IL17RA: variants seen among roughly 807,000 people sequenced by gnomAD.
IL17RA encodes the protein interleukin 17 receptor A.
IL17RA carries 34 observed loss-of-function variants against 50.4 expected under a neutral mutation model. The observed-to-expected ratio is 0.67, with a 90% CI of 0.51 to 0.90. The LOEUF is 0.90. Ranked by LOEUF, IL17RA falls within the 40% of genes least tolerant of loss-of-function variation. The pLI is 0.00. For missense variants in IL17RA, 1,276 were observed against 1,169.8 expected, an observed-to-expected ratio of 1.09 and a Z score of -1.32; for synonymous variants, 585 against 510.4, an observed-to-expected ratio of 1.15 and a Z score of -1.97.
intron 1 of IL17RA, among the ~76,000 whole-genome samples, chr22:17,090,091 C>G (rs2061342897): frequency 6.6e-6 from 1 of 152,098 alleles, no homozygotes; most frequent in Admixed American, 6.5e-5. Context: ...GGCGCAATCT[C>G]TGCTCACTGC....
At chr22:17,105,647 C>T (rs376227410) in intron 10 of IL17RA, 45 bp downstream of exon 10, 61 of 1,607,842 alleles carry the variant, frequency 3.8e-5, no homozygotes, top group Admixed American at 1.5e-4. Flanking sequence ...CCTCAGGGGA[C>T]ATTCCCCAGT....
At chr22:17,089,533 G>A (rs1362500550) in intron 1 of IL17RA, among the ~76,000 whole-genome samples, 4 of 152,128 alleles carry the variant, frequency 2.6e-5, no homozygotes, top group South Asian at 2.1e-4. Flanking sequence ...GATGCCTCAC[G>A]TAATGCCATT....
At position 17,108,763 on chromosome 22, in the gene IL17RA, A is replaced by G; in HGVS notation, c.1544A>G (p.Asp515Gly). The G allele has an allele frequency of 6.2e-7, 1 of 1,610,468 alleles. No individual in the cohort carries two copies. The highest frequency in any genetic ancestry group is 8.5e-7 in the Non-Finnish European group (1 of 1,178,744). The change falls in exon 13 of 13, where the codon GAC (aspartate) becomes GGC (glycine). Residue 515 changes from aspartate (D) to glycine (G), a missense_variant. By Grantham distance (94) the Asp-to-Gly change is moderately conservative. Transcript: ENST00000319363. ...SEVSCDGDVP[D>G]LFGAAPRYPL... Reference sequence around the variant, plus strand: ...GTCAGCTGTGACGGCGACGTCCCCGACCTGTTCGGCGCGGCGCCGCGGTAC... The same window carrying G: ...GTCAGCTGTGACGGCGACGTCCCCGGCCTGTTCGGCGCGGCGCCGCGGTAC...
chr22:17,086,374 A>G (rs2061328175), intron 1 of IL17RA, among the ~76,000 whole-genome samples: 1 of 5,956 alleles, frequency 1.7e-4, no homozygotes, highest in African/African-American at 5.3e-3. Flanking sequence ...ATGTCGCAGA[A>G]AAAAAAAAAA....
rs1220118281 is a variant in IL17RA at position 17,109,202 on chromosome 22, G to A, written c.1983G>A (p.Ala661=). The part of the protein sequence containing the change: ...EPHLQPRGQP[A]PQPLHTLVLA... The stretch of plus-strand genomic sequence containing the variant: ...ACCTGCAGCCCCGGGGTCAGCCAGC[G>A]CCGCAGCCCCTCCACACCCTGGTGC... Residue 661 remains alanine, a synonymous_variant, in exon 13 of 13, where the codon GCG becomes GCA. Coordinates refer to ENST00000319363, the MANE Select transcript of IL17RA (RefSeq NM_014339.7). 8.6e-6 allele frequency: 13 copies of A among 1,508,546 alleles called. No individual in the cohort carries two copies. The African/African-American group carries it at 9.7e-5, about 11-fold the overall frequency. The allele number at this position is 1,508,546 out of a possible 1,614,324, so 93.4% of individuals were successfully genotyped here.
intron 1 of IL17RA, among the ~76,000 whole-genome samples, chr22:17,095,221 G>T (rs2061364574): frequency 6.6e-6 from 1 of 152,176 alleles, no homozygotes. Flanking sequence ...ATCAGTGCTG[G>T]AGAGGTATAT....
intron 8 of IL17RA, 147 bp from the exon 9 acceptor site, chr22:17,104,579 A>G: frequency 1.3e-6 from 1 of 750,658 alleles, no homozygotes; most frequent in South Asian, 1.5e-5. Flanking sequence ...GGGTTCGCTG[A>G]CCCGCCCTTG....
chr22:17,092,991 CT>C (rs1325837343), intron 1 of IL17RA, among the ~76,000 whole-genome samples: 2 of 152,080 alleles, frequency 1.3e-5, no homozygotes, highest in Non-Finnish European at 2.9e-5. Context: ...TGTCCTGCCC[CT>C]GTCTTACAGA....
At chr22:17,108,234 T>G in intron 12 of IL17RA, 73 bp from the exon 13 acceptor site, 1 of 1,503,852 alleles carries the variant, frequency 6.6e-7, no homozygotes, top group South Asian at 1.1e-5. Flanking sequence ...TCCAGGCCCC[T>G]CCTGGGCTGG....
chr22:17,106,829 G>A (rs1444816539), intron 11 of IL17RA, among the ~76,000 whole-genome samples: 2 of 152,064 alleles, frequency 1.3e-5, no homozygotes, highest in Middle Eastern at 3.2e-3. Context: ...CTCCACAGGC[G>A]GTGCAGCTCT....
At chr22:17,085,357 A>G in intron 1 of IL17RA, 128 bp downstream of exon 1, 3 of 1,447,566 alleles carry the variant, frequency 2.1e-6, no homozygotes, top group Non-Finnish European at 2.7e-6. Flanking sequence ...GCGGGCTTAG[A>G]GGGGCTCAGA....
chr22:17,107,845 C>T (rs1409932109), intron 12 of IL17RA, 77 bp downstream of exon 12: 1 of 1,319,086 alleles, frequency 7.6e-7, no homozygotes, highest in Non-Finnish European at 1.1e-6. Context: ...GCGTGGGTCG[C>T]CTCCTGTGCT....
chr22:17,091,443 G>A (rs1456231627), intron 1 of IL17RA, among the ~76,000 whole-genome samples: 4 of 152,160 alleles, frequency 2.6e-5, no homozygotes, highest in Admixed American at 6.5e-5. Flanking sequence ...TTGGGAGGCC[G>A]AGGCGGGCGG....
At chr22:17,087,060 CCT>C (rs200344167) in intron 1 of IL17RA, among the ~76,000 whole-genome samples, 4 of 152,192 alleles carry the variant, frequency 2.6e-5, no homozygotes, top group African/African-American at 7.2e-5. Flanking sequence ...TCTCTTCCTT[CCT>C]CTCTCTCTCT....
rs2061366122 is a variant in IL17RA, at chr22:17,095,737, C to T, written c.139-1325C>T. Among the ~76,000 whole-genome samples the T allele has an allele frequency of 2.0e-5, 3 of 151,414 alleles. No individual in the cohort carries two copies. In the South Asian group the frequency reaches 6.3e-4, roughly 32 times the overall value. ...GCAGCCAGATGGATTTTGTTGGGAA[C>T]ATGTGCGGAGCCCCCTAGTGGGGTG... On this transcript the variant is annotated intron_variant, in intron 1 of 12. Transcript: ENST00000319363.
At chr22:17,095,825 T>C (rs1422872855) in intron 1 of IL17RA, among the ~76,000 whole-genome samples, 5 of 152,160 alleles carry the variant, frequency 3.3e-5, no homozygotes, top group Admixed American at 2.0e-4. Context: ...GAAGCACTTA[T>C]GAACTGGGGT....
intron 1 of IL17RA, among the ~76,000 whole-genome samples, chr22:17,096,171 A>G (rs2061367568): frequency 1.3e-5 from 2 of 152,138 alleles, no homozygotes; most frequent in Admixed American, 1.3e-4. Flanking sequence ...TTTCCCTGGT[A>G]GCATTTGTCA....
chr22:17,114,801 T>G lies in IL17RA; in HGVS notation c.*4981T>G, dbSNP rs2061460369. 1 of 152,202 alleles carries G rather than the reference T, an allele frequency of 6.6e-6. No individual in the cohort carries two copies. The highest frequency in any genetic ancestry group is 1.5e-5 in the Non-Finnish European group (1 of 68,026). 9.4% of individuals were successfully genotyped at this position (152,202 alleles called of 1,614,324 possible). ...GACTACCGAAGGTTGCCTGGAGCAG[T>G]GCAGATGTGGGAGGAAGAAGGGCCT... On this transcript the variant is annotated 3_prime_UTR_variant, in exon 13 of 13. Transcript: ENST00000319363.
Position 17,103,483 on chromosome 22 carries a change from TCTCTC to T in IL17RA, c.763-7_763-3del. On this transcript the variant is annotated splice_region_variant and splice_polypyrimidine_tract_variant and intron_variant, in intron 7 of 12. Coordinates refer to ENST00000319363, the MANE Select transcript of IL17RA (RefSeq NM_014339.7). ...CCAACTAGCCTTACCCATCCTCGCC[TCTCTC>T]CTCAGCCCAGACCAGAAGAGTTCCA... 6.2e-7 allele frequency: 1 copy of T among 1,612,378 alleles called. No individual in the cohort carries two copies. Among genetic ancestry groups the T allele is most frequent in the Non-Finnish European group, 8.5e-7 (1 of 1,179,134 alleles).
Sources: gnomAD v4.1 joint callset for allele counts (sites outside exome capture counted in the v4.1 genomes callset) on GRCh38, gnomAD v4.1.1 for gene constraint, MANE v1.5 for transcripts, NCBI Gene and HGNC (gene_info 2026-07-23, HGNC 2026-07-21) for gene names.